Variants in PPIP5K1 observed in about 807,000 individuals in gnomAD.
PPIP5K1 encodes diphosphoinositol pentakisphosphate kinase 1, also known as inositol hexakisphosphate and diphosphoinositol-pentakisphosphate kinase 1.
Under a neutral mutation model 27.7 loss-of-function variants are expected in PPIP5K1, and 6 were observed. The observed-to-expected ratio is 0.22, with a 90% CI of 0.12 to 0.43. PPIP5K1 has a LOEUF of 0.43. Ranked by LOEUF, PPIP5K1 falls within the 20% of genes least tolerant of loss-of-function variation. The probability of loss-of-function intolerance (pLI) is 1.00; values close to 1 mark genes in which losing one functional copy is unlikely to be tolerated. For synonymous variants in PPIP5K1, 145 were observed against 242.6 expected (o/e 0.60, Z 3.74); for missense variants, 394 against 635.4 (o/e 0.62, Z 4.08).
At position 43,535,407 on chromosome 15, in the gene PPIP5K1, G is replaced by C; in HGVS notation, c.3740C>G (p.Ser1247Cys). ...GGGTTGATCACTGAAGCCAAATTGG[G>C]AGTTACCATCTACTGTAGTAGGGGA... ...PSSPTTVDGNSQFGFSDQPSL... is the reference protein window; with the variant it reads ...PSSPTTVDGNCQFGFSDQPSL... The change falls in exon 32 of 32, where the codon TCC becomes TGC. Residue 1247 changes from serine (S) to cysteine (C), a missense_variant. Ser to Cys is a moderately radical substitution (Grantham distance 112). This residue lies in a region of PPIP5K1 where 379 missense variants were observed against 423.9 expected (regional missense o/e 0.89). Transcript: ENST00000420765. 1 of 1,613,856 alleles carries C rather than the reference G, an allele frequency of 6.2e-7. No homozygotes were observed. The highest frequency in any genetic ancestry group is 8.5e-7 in the Non-Finnish European group (1 of 1,179,892).
chr15:43,535,257 G>A lies in PPIP5K1; in HGVS notation c.3890C>T (p.Pro1297Leu), dbSNP rs781399630. 2 of 1,614,156 alleles carry A rather than the reference G, an allele frequency of 1.2e-6. No individual in the cohort carries two copies. Among genetic ancestry groups the A allele is most frequent in the South Asian group, 2.2e-5 (2 of 91,086 alleles). The change falls in exon 32 of 32, where the codon CCA becomes CTA. Residue 1297 changes from proline (P) to leucine (L), a missense_variant. Pro to Leu is a moderately conservative substitution (Grantham distance 98). Around this residue, in one of 4 missense-constraint regions of PPIP5K1, gnomAD observed 379 missense variants for 423.9 expected, o/e 0.89. Coordinates refer to ENST00000420765, the MANE Select transcript of PPIP5K1 (RefSeq NM_001394395.1). ...EQELFEPNQS[P>L]QVPPMETSQP... Reference sequence around the variant, plus strand: ...GCTGGTTTCCATAGGTGGCACCTGTGGGGACTGATTTGGTTCAAAAAGCTC... The same window carrying A: ...GCTGGTTTCCATAGGTGGCACCTGTAGGGACTGATTTGGTTCAAAAAGCTC...
At chr15:43,550,531 T>C (rs2082064010) in intron 30 of PPIP5K1, among the ~76,000 whole-genome samples, 1 of 152,336 alleles carries the variant, frequency 6.6e-6, no homozygotes, top group South Asian at 2.1e-4. Flanking sequence ...CTTTTGAGAC[T>C]TCTTTGTGAT....
chr15:43,560,675 A>T, intron 28 of PPIP5K1, 80 bp from the exon 29 acceptor site: 1 of 365,468 alleles, frequency 2.7e-6, no homozygotes, highest in South Asian at 2.0e-5. Flanking sequence ...GGGGGCACTG[A>T]CTAGCACAAG....
chr15:43,534,923 A>G lies in PPIP5K1; in HGVS notation c.4224T>C (p.His1408=). 6.2e-7 allele frequency: 1 copy of G among 1,613,994 alleles called. No homozygotes were observed. The highest frequency in any genetic ancestry group is 8.5e-7 in the Non-Finnish European group (1 of 1,179,986). ...GVSVEVGKLV[H]KFHVGVGSLV... ...AGCTACCAACCCCTACATGGAACTTATGGACCAGCTTGCCAACCTCCACAG... is the reference window on the plus strand; with the variant it reads ...AGCTACCAACCCCTACATGGAACTTGTGGACCAGCTTGCCAACCTCCACAG... The change falls in exon 32 of 32, where the codon CAT becomes CAC. Residue 1408 remains histidine (H), a synonymous_variant. Transcript: ENST00000420765.
chr15:43,551,552 A>T (rs1338239202), intron 30 of PPIP5K1, among the ~76,000 whole-genome samples: 1 of 148,590 alleles, frequency 6.7e-6, no homozygotes, highest in Admixed American at 6.7e-5. Context: ...TAATAATAAT[A>T]ATTTAATTTT....
At chr15:43,552,944 G>A (rs2082418934) in intron 30 of PPIP5K1, among the ~76,000 whole-genome samples, 2 of 152,074 alleles carry the variant, frequency 1.3e-5, no homozygotes, top group African/African-American at 4.8e-5. Flanking sequence ...TCAGGAGGCT[G>A]AGGTGGGGAA....
At chr15:43,561,036 A>AAACTTC (rs773465999) in intron 28 of PPIP5K1, among the ~76,000 whole-genome samples, 1 of 129,028 alleles carries the variant, frequency 7.8e-6, no homozygotes, top group African/African-American at 2.8e-5. Context: ...ATAAAAATGA[A>AAACTTC]AAAGTGATGG....
At chr15:43,579,474 T>C (rs1234522372) in intron 10 of PPIP5K1, among the ~76,000 whole-genome samples, 2 of 102,242 alleles carry the variant, frequency 2.0e-5, no homozygotes, top group African/African-American at 1.6e-4. Context: ...TATACACACA[T>C]GTATGCGCAT....
intron 31 of PPIP5K1, among the ~76,000 whole-genome samples, 188 bp from the exon 32 acceptor site, chr15:43,535,664 A>G (rs2079741626): frequency 6.6e-6 from 1 of 152,224 alleles, no homozygotes. Flanking sequence ...ACCCTGGCCT[A>G]ATGTATACTT....
At chr15:43,547,971 A>G (rs901095752) in intron 30 of PPIP5K1, among the ~76,000 whole-genome samples, 2 of 152,238 alleles carry the variant, frequency 1.3e-5, no homozygotes, top group African/African-American at 2.4e-5. Context: ...CATGTCTTCA[A>G]CATGAACATG....
intron 30 of PPIP5K1, among the ~76,000 whole-genome samples, chr15:43,548,071 C>A (rs1017400525): frequency 1.3e-5 from 2 of 151,842 alleles, no homozygotes; most frequent in Admixed American, 1.3e-4. Flanking sequence ...GTGCTGGTAG[C>A]TGGGCTACAG....
intron 30 of PPIP5K1, among the ~76,000 whole-genome samples, chr15:43,543,760 G>T (rs1462617756): frequency 6.6e-6 from 1 of 150,790 alleles, no homozygotes; most frequent in Non-Finnish European, 1.5e-5. Context: ...CCTAATAACA[G>T]GAACATAATT....
chr15:43,557,971 A>G (rs1476298555), intron 30 of PPIP5K1, among the ~76,000 whole-genome samples: 1 of 151,162 alleles, frequency 6.6e-6, no homozygotes, highest in Non-Finnish European at 1.5e-5. Context: ...CACCCCACTC[A>G]TTCTTCACTG....
In PPIP5K1 at chr15:43,538,672, C is replaced by T. The variant is rs1019595453; in HGVS notation, c.3670+798G>A. ...GACTACAGGCACCCACCACCACGCT[C>T]GGCTAATTTTTTGTATTTTTAGTAG... On this transcript the variant is annotated intron_variant, in intron 31 of 31. Transcript: ENST00000420765. 7.2e-5 allele frequency among the ~76,000 whole-genome samples: 11 copies of T among 152,116 alleles called. No individual in the cohort carries two copies. The South Asian group carries it at 1.0e-3, about 14-fold the overall frequency.
intron 30 of PPIP5K1, among the ~76,000 whole-genome samples, chr15:43,540,771 A>G (rs1373449016): frequency 6.6e-6 from 1 of 151,352 alleles, no homozygotes; most frequent in African/African-American, 2.4e-5. Flanking sequence ...GAGGCATGAG[A>G]ATCACTTGAA....
At chr15:43,554,009 C>T (rs1383691175) in intron 30 of PPIP5K1, among the ~76,000 whole-genome samples, 1 of 152,094 alleles carries the variant, frequency 6.6e-6, no homozygotes, top group African/African-American at 2.4e-5. Flanking sequence ...TGGCTGGGCA[C>T]AGTGGCTCAT....
intron 30 of PPIP5K1, among the ~76,000 whole-genome samples, chr15:43,552,014 T>A (rs1595808627): frequency 6.6e-6 from 1 of 150,828 alleles, no homozygotes; most frequent in African/African-American, 2.5e-5. Context: ...AATGCAATGG[T>A]ACAATCTCAG....
intron 31 of PPIP5K1, chr15:43,536,053 T>A: frequency 8.0e-7 from 1 of 1,255,642 alleles, no homozygotes; most frequent in Non-Finnish European, 1.0e-6. Flanking sequence ...AGGTAATCAT[T>A]ATTTATAGCC....
Position 43,534,787 on chromosome 15 carries a change from TCTC to T in PPIP5K1, c.4357_4359del (p.Glu1453del). ...TGAGATAACAGATTGATCGCAGAAG[TCTC>T]CTGGGCCAGCCTGCCAACCTCCACA... On this transcript the variant is annotated inframe_deletion, in exon 32 of 32. Transcript: ENST00000420765. The T allele has an allele frequency of 3.1e-6, 5 of 1,588,212 alleles. No individual in the cohort carries two copies. The highest frequency in any genetic ancestry group is 4.3e-6 in the Non-Finnish European group (5 of 1,168,290).
Sources: gnomAD v4.1 joint callset for allele counts (sites outside exome capture counted in the v4.1 genomes callset) on GRCh38, gnomAD v4.1.1 for gene constraint, gnomAD v4.1.1 regional missense constraint, MANE v1.5 for transcripts, NCBI Gene and HGNC (gene_info 2026-07-23, HGNC 2026-07-21) for gene names.